Variants in COQ9 observed in about 807,000 individuals in gnomAD.
COQ9 encodes coenzyme Q9.
Under a neutral mutation model 42.4 loss-of-function variants are expected in COQ9, and 35 were observed. The observed-to-expected ratio is 0.83, with a 90% CI of 0.63 to 1.10. COQ9 has a LOEUF of 1.10. Ranked by LOEUF, COQ9 falls within the 50% of genes least tolerant of loss-of-function variation. The probability of loss-of-function intolerance (pLI) is 0.00; values close to 1 mark genes in which losing one functional copy is unlikely to be tolerated. For missense variants in COQ9, 406 were observed against 414.6 expected (o/e 0.98, Z 0.18); for synonymous variants, 155 against 155.1 (o/e 1.00, Z 0.00).
chr16:57,447,622 G>T, intron 1 of COQ9, 44 bp downstream of exon 1: 1 of 1,234,476 alleles, frequency 8.1e-7, no homozygotes, highest in South Asian at 3.7e-5. Flanking sequence ...AGCGCGGAGG[G>T]GGCGCGAGGC....
chr16:57,458,043 A>G (rs1168228282), intron 5 of COQ9: 4 of 602,974 alleles, frequency 6.6e-6, no homozygotes, highest in South Asian at 5.3e-5. Context: ...GGGCTTGCAT[A>G]AGACGGGGCT....
At chr16:57,455,372 T>C (rs938834505) in intron 3 of COQ9, among the ~76,000 whole-genome samples, 13 of 144,580 alleles carry the variant, frequency 9.0e-5, no homozygotes, top group Non-Finnish European at 1.8e-4. Context: ...TATATATATA[T>C]ACAGTATATA....
At position 57,461,168 on chromosome 16, in the gene COQ9, A is replaced by C; in HGVS notation, c.*544A>C. 1 of 455,904 alleles carries C rather than the reference A, an allele frequency of 2.2e-6. No individual in the cohort carries two copies. Among genetic ancestry groups the C allele is most frequent in the Non-Finnish European group, 4.4e-6 (1 of 226,772 alleles). The allele number at this position is 455,904 out of a possible 1,614,324, so 28.2% of individuals were successfully genotyped here. ...CACCTGAGACAAGTGCCTGCTGGAC[A>C]GAGGTGTGATTCCAGGCCTGGTGTC... is the stretch of plus-strand genomic sequence containing the variant. On this transcript the variant is annotated 3_prime_UTR_variant, in exon 9 of 9. Coordinates refer to ENST00000262507, the MANE Select transcript of COQ9 (RefSeq NM_020312.4).
rs1210525850 is a variant in COQ9, at chr16:57,451,744, T to C, written c.242+536T>C. Reference sequence around the variant, plus strand: ...TTCACTCAACAGTACATTTGTAATGTCTTTTCATAGCTTAATAGTTGTATA... The same window carrying C: ...TTCACTCAACAGTACATTTGTAATGCCTTTTCATAGCTTAATAGTTGTATA... On this transcript the variant is annotated intron_variant, in intron 2 of 8. Transcript: ENST00000262507. Among the ~76,000 whole-genome samples the C allele has an allele frequency of 2.6e-5, 4 of 152,366 alleles. 1 individual carries two copies. The highest frequency in any genetic ancestry group is 1.9e-4 in the East Asian group (1 of 5,190).
Position 57,452,771 on chromosome 16 carries a change from AGTATGCTGGGCTGT to A in COQ9, c.243-27_243-14del. ...GCCCATTGTACATGCCAGGAGATGA[AGTATGCTGGGCTGT>A]GTCCTCTTGTCTCAGGTATACAGAC... On this transcript the variant is annotated splice_polypyrimidine_tract_variant and intron_variant, in intron 2 of 8. Coordinates refer to ENST00000262507, the MANE Select transcript of COQ9 (RefSeq NM_020312.4). 6.2e-7 allele frequency: 1 copy of A among 1,612,532 alleles called. No individual in the cohort carries two copies.
At chr16:57,453,174 A>G (rs1456749781) in intron 3 of COQ9, 7 of 568,818 alleles carry the variant, frequency 1.2e-5, no homozygotes, top group Non-Finnish European at 2.2e-5. Context: ...TTAGGCAAGA[A>G]TTGTCTGTGA....
chr16:57,451,136 C>T lies in COQ9; in HGVS notation c.170C>T (p.Ser57Leu). ...SDEQKQQPPN[S>L]FSQQHSETQG... is the part of the protein sequence containing the mutation. ...GAGCAGAAGCAGCAGCCTCCCAACTCATTTTCTCAGCAGCATTCTGAGACA... is the reference window on the plus strand; with the variant it reads ...GAGCAGAAGCAGCAGCCTCCCAACTTATTTTCTCAGCAGCATTCTGAGACA... Residue 57 changes from serine to leucine, a missense_variant, in exon 2 of 9, where the codon TCA (serine) becomes TTA (leucine). Coordinates refer to ENST00000262507, the MANE Select transcript of COQ9 (RefSeq NM_020312.4). The T allele has an allele frequency of 3.1e-6, 5 of 1,614,196 alleles. No individual in the cohort carries two copies. The highest frequency in any genetic ancestry group is 4.2e-6 in the Non-Finnish European group (5 of 1,180,032).
At chr16:57,457,395 C>T (rs1264354541) in intron 5 of COQ9, 5 of 344,992 alleles carry the variant, frequency 1.4e-5, no homozygotes, top group South Asian at 2.4e-5. Flanking sequence ...TTTTAGATCT[C>T]GAGCACTGGG....
Sources: allele counts gnomAD v4.1 joint callset (sites outside exome capture counted in the v4.1 genomes callset), GRCh38; gene constraint gnomAD v4.1.1; transcripts MANE v1.5; gene names NCBI Gene and HGNC (gene_info 2026-07-23, HGNC 2026-07-21).